Variants in CASP9 observed in about 807,000 individuals in gnomAD.
The protein encoded by CASP9 is caspase 9.
Under a neutral mutation model 43.5 loss-of-function variants are expected in CASP9, and 29 were observed. The ratio of observed to expected loss-of-function variants is 0.67; its 90% CI spans 0.50 to 0.91. CASP9 has a LOEUF of 0.91. Ranked by LOEUF, CASP9 falls within the 40% of genes least tolerant of loss-of-function variation. CASP9 has a pLI of 0.00. For missense variants in CASP9, 575 were observed against 537.4 expected, an observed-to-expected ratio of 1.07 and a Z score of -0.69; for synonymous variants, 206 against 211.9, an observed-to-expected ratio of 0.97 and a Z score of 0.24.
rs1414064668 is a variant in CASP9 at position 15,507,038 on chromosome 1, A to G, written c.491T>C (p.Leu164Pro). 6.2e-7 allele frequency: 1 copy of G among 1,614,164 alleles called. No individual in the cohort carries two copies. The highest frequency in any genetic ancestry group is 1.7e-5 in the Admixed American group (1 of 60,020). Reference protein sequence around the residue: ...ILSMEPCGHCLIINNVNFCRE... With the variant: ...ILSMEPCGHCPIINNVNFCRE... ...GCAGAAGTTCACATTGTTGATAATG[A>G]GGCAGTGGCCACAGGGCTCCATGCT... Residue 164 changes from leucine (L) to proline (P), a missense_variant, in exon 4 of 9, where the codon CTC (leucine) becomes CCC (proline). Physicochemically the swap from Leu to Pro is moderately conservative, Grantham distance 98. Transcript: ENST00000333868.
chr1:15,524,064 C>CGGGGG lies in CASP9; in HGVS notation c.132+4_132+5insCCCCC. On this transcript the variant is annotated splice_donor_region_variant and intron_variant, in intron 1 of 8. Transcript: ENST00000333868. ...CAGCGCGGGGACAGGGGGCCGGGGG[C>CGGGGG]GCACCTGGATGTCCTCGATCATATG... 6.7e-7 allele frequency: 1 copy of CGGGGG among 1,495,364 alleles called. No individual in the cohort carries two copies. Among genetic ancestry groups the CGGGGG allele is most frequent in the African/African-American group, 1.4e-5 (1 of 69,256 alleles). 92.6% of individuals were successfully genotyped at this position (1,495,364 alleles called of 1,614,324 possible).
rs539856847 is a variant in CASP9, at chr1:15,524,081, G to T, written c.120C>A (p.Ile40=). ...GCCGGGGGCGCACCTGGATGTCCTC[G>T]ATCATATGGGGCCTGAACAGCTCGC... ...LSRELFRPHM[I]EDIQRAGSGS... is the part of the protein sequence containing the mutation. Residue 40 remains isoleucine (I), a synonymous_variant, in exon 1 of 9, where the codon ATC becomes ATA. Coordinates refer to ENST00000333868, the MANE Select transcript of CASP9 (RefSeq NM_001229.5). 96 of 1,514,598 alleles carry T rather than the reference G, an allele frequency of 6.3e-5. No individual in the cohort carries two copies. In the South Asian group the frequency reaches 1.1e-3, roughly 17 times the overall value. The allele number at this position is 1,514,598 out of a possible 1,614,324, so 93.8% of individuals were successfully genotyped here.
chr1:15,499,321 G>C (rs1295527185), intron 6 of CASP9, among the ~76,000 whole-genome samples: 2 of 152,178 alleles, frequency 1.3e-5, no homozygotes, highest in African/African-American at 2.4e-5. Flanking sequence ...TTGTACATTA[G>C]AGAACTGTAG....
At chr1:15,524,585 C>CACGTCCCCGCACTGACCTA, upstream of CASP9, 2 of 992,612 alleles carry the variant, frequency 2.0e-6, no homozygotes, top group Non-Finnish European at 2.5e-6. Context: ...GCACTGACCT[C>CACGTCCCCGCACTGACCTA]ACGTCACCGC....
chr1:15,516,896 A>G (rs184837994), intron 2 of CASP9, among the ~76,000 whole-genome samples: 116 of 152,330 alleles, frequency 7.6e-4, no homozygotes, highest in East Asian at 7.7e-4. Context: ...TCCACTCCTC[A>G]CTAGCTGTGT....
chr1:15,509,220 T>A (rs1709640178), intron 2 of CASP9, among the ~76,000 whole-genome samples: 1 of 152,084 alleles, frequency 6.6e-6, no homozygotes, highest in African/African-American at 2.4e-5. Flanking sequence ...AACCTCACTG[T>A]ATGTCCGTGT....
rs138179599 is a variant in CASP9, at chr1:15,507,431, C to A, written c.454-356G>T. ...AGGCTGCCCTCTCCCCAGGCTCAGT[C>A]CCCTTGTAATTCTCTCAAGGCAGCC... is the stretch of plus-strand genomic sequence containing the variant. On this transcript the variant is annotated intron_variant, in intron 3 of 8. Transcript: ENST00000333868. Among the ~76,000 whole-genome samples, 136 of 152,338 alleles carry A rather than the reference C, an allele frequency of 8.9e-4. 2 individuals carry two copies. The East Asian group carries it at 0.023, about 25-fold the overall frequency.
intron 6 of CASP9, among the ~76,000 whole-genome samples, chr1:15,503,149 G>C (rs1709390665): frequency 6.6e-6 from 1 of 152,172 alleles, no homozygotes; most frequent in Non-Finnish European, 1.5e-5. Flanking sequence ...CACTTTGGGA[G>C]GCCGAAGTGA....
At chr1:15,521,608 C>A (rs982019054) in intron 1 of CASP9, among the ~76,000 whole-genome samples, 2 of 152,154 alleles carry the variant, frequency 1.3e-5, no homozygotes, top group African/African-American at 4.8e-5. Flanking sequence ...GGGAAGGGCC[C>A]CCTGTCCTAT....
At position 15,506,914 on chromosome 1, in the gene CASP9, G is replaced by A. The variant is rs758088384; in HGVS notation, c.615C>T (p.Gly205=). The A allele has an allele frequency of 4.3e-6, 7 of 1,613,512 alleles. No homozygotes were observed. Among genetic ancestry groups the A allele is most frequent in the Admixed American group, 3.3e-5 (2 of 60,004 alleles). ...SSLHFMVEVK[G]DLTAKKMVLA... ...GTGAGTGTACCTTGGCAGTCAGGTCGCCCTTCACCTCCACCATGAAATGCA... is the reference window on the plus strand; with the variant it reads ...GTGAGTGTACCTTGGCAGTCAGGTCACCCTTCACCTCCACCATGAAATGCA... The change falls in exon 4 of 9, where the codon GGC becomes GGT. Residue 205 remains glycine (G), a synonymous_variant. Transcript: ENST00000333868.
chr1:15,507,023 A>G lies in CASP9; in HGVS notation c.506T>C (p.Val169Ala), dbSNP rs992866020. 1.4e-5 allele frequency: 22 copies of G among 1,614,224 alleles called. No homozygotes were observed. Among genetic ancestry groups the G allele is most frequent in the Non-Finnish European group, 1.9e-5 (22 of 1,180,028 alleles). Residue 169 changes from valine to alanine, a missense_variant, in exon 4 of 9, where the codon GTG becomes GCG. Transcript: ENST00000333868. The part of the protein sequence containing the change: ...PCGHCLIINN[V>A]NFCRESGLRT... Reference sequence around the variant, plus strand: ...GAGCCCGGACTCACGGCAGAAGTTCACATTGTTGATAATGAGGCAGTGGCC... The same window carrying G: ...GAGCCCGGACTCACGGCAGAAGTTCGCATTGTTGATAATGAGGCAGTGGCC...
chr1:15,507,955 A>G, intron 2 of CASP9, 48 bp from the exon 3 acceptor site: 1 of 1,589,700 alleles, frequency 6.3e-7, no homozygotes. Flanking sequence ...GTTACAGCAG[A>G]GGAGGGGCAA....
At chr1:15,497,641 C>CA (rs1297502317) in intron 6 of CASP9, among the ~76,000 whole-genome samples, 55 of 80,164 alleles carry the variant, frequency 6.9e-4, no homozygotes, top group African/African-American at 2.6e-3. Context: ...GACTCTGTCT[C>CA]AAGAAAAAAA....
At chr1:15,513,540 T>C (rs1157215302) in intron 2 of CASP9, among the ~76,000 whole-genome samples, 2 of 152,068 alleles carry the variant, frequency 1.3e-5, no homozygotes, top group Non-Finnish European at 2.9e-5. Flanking sequence ...ATGATGCACC[T>C]CTAAAGCACC....
chr1:15,500,146 T>G (rs1447949853), intron 6 of CASP9, among the ~76,000 whole-genome samples: 1 of 152,072 alleles, frequency 6.6e-6, no homozygotes, highest in Non-Finnish European at 1.5e-5. Context: ...TATATTTAAC[T>G]ATGTATACAT....
intron 1 of CASP9, among the ~76,000 whole-genome samples, chr1:15,519,464 G>A (rs960225626): frequency 6.6e-6 from 1 of 152,170 alleles, no homozygotes; most frequent in Non-Finnish European, 1.5e-5. Flanking sequence ...TTACAGGCGT[G>A]AGCTACCATG....
chr1:15,507,120 C>G (rs781601778), intron 3 of CASP9, 45 bp from the exon 4 acceptor site: 1 of 1,609,684 alleles, frequency 6.2e-7, no homozygotes, highest in African/African-American at 1.3e-5. Flanking sequence ...TCCCCACGCT[C>G]CCTAGAGGAC....
chr1:15,500,383 C>G (rs1193573674), intron 6 of CASP9, among the ~76,000 whole-genome samples: 1 of 152,134 alleles, frequency 6.6e-6, no homozygotes, highest in Non-Finnish European at 1.5e-5. Flanking sequence ...ACAGTTCACC[C>G]AGAGGAGCTG....
intron 6 of CASP9, among the ~76,000 whole-genome samples, chr1:15,499,400 C>T (rs529163929): frequency 6.6e-6 from 1 of 152,164 alleles, no homozygotes; most frequent in Non-Finnish European, 1.5e-5. Flanking sequence ...TCCTTGTGTT[C>T]CCTCTCTATT....
Sources: allele counts gnomAD v4.1 joint callset (sites outside exome capture counted in the v4.1 genomes callset), GRCh38; gene constraint gnomAD v4.1.1; transcripts MANE v1.5; gene names NCBI Gene and HGNC (gene_info 2026-07-23, HGNC 2026-07-21).